Variants in MYRIP observed in about 807,000 individuals in gnomAD.
MYRIP encodes myosin VIIA and Rab interacting protein.
MYRIP carries 49 observed loss-of-function variants against 98.0 expected under a neutral mutation model. The observed-to-expected ratio is 0.50, with a 90% confidence interval of 0.40 to 0.63. The LOEUF is 0.63. MYRIP is among the 30% of genes least tolerant of loss of function. The pLI is 0.00. For missense variants in MYRIP, 1,004 were observed against 1,058.2 expected (o/e 0.95, Z 0.71); for synonymous variants, 404 against 409.5 (o/e 0.99, Z 0.16).
chr3:40,197,146 C>T (rs1951413435), intron 10 of MYRIP, among the ~76,000 whole-genome samples: 1 of 152,146 alleles, frequency 6.6e-6, no homozygotes, highest in Non-Finnish European at 1.5e-5. Context: ...CGGGATGAAA[C>T]TGTTCCACCT....
chr3:40,027,332 A>T (rs546688655), intron 2 of MYRIP, among the ~76,000 whole-genome samples: 2 of 152,146 alleles, frequency 1.3e-5, no homozygotes, highest in African/African-American at 4.8e-5. Flanking sequence ...TGCTTCACAC[A>T]TGCAAGGTCC....
intron 1 of MYRIP, among the ~76,000 whole-genome samples, chr3:39,857,214 G>A (rs1942326053): frequency 7.3e-6 from 1 of 136,770 alleles, no homozygotes; most frequent in Non-Finnish European, 1.6e-5. Context: ...CCCTGTCTCA[G>A]AAACAAAAGA....
At chr3:39,933,383 A>G (rs2125702032) in intron 2 of MYRIP, among the ~76,000 whole-genome samples, 1 of 152,376 alleles carries the variant, frequency 6.6e-6, no homozygotes, top group East Asian at 1.9e-4. Context: ...AACATCTGTT[A>G]GAATCACAAA....
intron 3 of MYRIP, among the ~76,000 whole-genome samples, chr3:40,066,962 T>C (rs974653699): frequency 6.6e-6 from 1 of 152,204 alleles, no homozygotes; most frequent in African/African-American, 2.4e-5. Flanking sequence ...GCAACTTTTA[T>C]GTCCTTTTTG....
chr3:40,098,170 A>C (rs960908775), intron 3 of MYRIP, among the ~76,000 whole-genome samples: 2 of 152,200 alleles, frequency 1.3e-5, no homozygotes, highest in Non-Finnish European at 2.9e-5. Flanking sequence ...AGCCTTTTTG[A>C]TATGTATATT....
In MYRIP at chr3:40,087,132, G is replaced by A. The variant is rs573438785; in HGVS notation, c.332+42861G>A. Among the ~76,000 whole-genome samples, 4 of 152,108 alleles carry A rather than the reference G, an allele frequency of 2.6e-5. No individual in the cohort carries two copies. In the South Asian group the frequency reaches 8.3e-4, roughly 32 times the overall value. ...TACCCTTGGAGAGAGGTCCCAAGAAGAAGTGAGGCAAGCAACCCAGTGTGG... is the reference window on the plus strand; with the variant it reads ...TACCCTTGGAGAGAGGTCCCAAGAAAAAGTGAGGCAAGCAACCCAGTGTGG... On this transcript the variant is annotated intron_variant, in intron 3 of 16. Transcript: ENST00000302541.
At chr3:40,019,943 G>C (rs564021011) in intron 2 of MYRIP, among the ~76,000 whole-genome samples, 2 of 152,088 alleles carry the variant, frequency 1.3e-5, no homozygotes, top group African/African-American at 4.8e-5. Context: ...CATCTTTTAG[G>C]ATTATTTTAA....
At chr3:39,934,073 C>T (rs904451048) in intron 2 of MYRIP, among the ~76,000 whole-genome samples, 4 of 152,180 alleles carry the variant, frequency 2.6e-5, no homozygotes, top group African/African-American at 9.7e-5. Context: ...GTGAGGCCTG[C>T]ATAAATGTCT....
chr3:40,076,347 C>G (rs1948342825), intron 3 of MYRIP, among the ~76,000 whole-genome samples: 1 of 152,238 alleles, frequency 6.6e-6, no homozygotes, highest in South Asian at 2.1e-4. Flanking sequence ...CAAGGCCCCA[C>G]AGCTCTGCCA....
At chr3:40,085,474 G>A (rs531221016) in intron 3 of MYRIP, among the ~76,000 whole-genome samples, 7 of 152,124 alleles carry the variant, frequency 4.6e-5, no homozygotes, top group South Asian at 2.1e-4. Flanking sequence ...TAGTAGAGAC[G>A]GGGTTTCATC....
At chr3:40,182,573 C>T (rs754760190) in intron 9 of MYRIP, among the ~76,000 whole-genome samples, 200 bp downstream of exon 9, 2 of 152,196 alleles carry the variant, frequency 1.3e-5, no homozygotes, top group Admixed American at 6.5e-5. Context: ...AGGCAGTTTT[C>T]CTAGCTGCTC....
chr3:39,984,612 A>G (rs535893391), intron 2 of MYRIP, among the ~76,000 whole-genome samples: 11 of 152,238 alleles, frequency 7.2e-5, no homozygotes, highest in Non-Finnish European at 1.3e-4. Flanking sequence ...ACATTTTCTT[A>G]ATCCAGTCTA....
At chr3:39,905,603 G>T (rs1024093300) in intron 2 of MYRIP, among the ~76,000 whole-genome samples, 5 of 152,152 alleles carry the variant, frequency 3.3e-5, no homozygotes, top group African/African-American at 1.2e-4. Flanking sequence ...ACCTCCTTCT[G>T]CCCTGTGTCC....
intron 3 of MYRIP, among the ~76,000 whole-genome samples, chr3:40,144,342 C>T (rs149832583): frequency 6.6e-6 from 1 of 152,336 alleles, no homozygotes; most frequent in East Asian, 1.9e-4. Context: ...CAGCTCAACC[C>T]CAATGGCAGG....
chr3:40,229,464 C>T (rs559742710), intron 11 of MYRIP, among the ~76,000 whole-genome samples: 2 of 152,262 alleles, frequency 1.3e-5, no homozygotes, highest in Admixed American at 6.5e-5. Flanking sequence ...GCAACCTTGG[C>T]ACGGTAAATG....
At chr3:40,078,224 C>T (rs935242042) in intron 3 of MYRIP, among the ~76,000 whole-genome samples, 9 of 152,216 alleles carry the variant, frequency 5.9e-5, no homozygotes, top group African/African-American at 1.9e-4. Flanking sequence ...GCTCCGAGTG[C>T]GGCCCGCCAA....
chr3:40,184,404 T>G (rs969171034), intron 9 of MYRIP, among the ~76,000 whole-genome samples: 1 of 152,234 alleles, frequency 6.6e-6, no homozygotes, highest in Non-Finnish European at 1.5e-5. Flanking sequence ...ATTTTATTTT[T>G]TCCTCCAACA....
In MYRIP at chr3:39,872,508, C is replaced by T. The variant is rs992256985; in HGVS notation, c.-30-28279C>T. Among the ~76,000 whole-genome samples the T allele has an allele frequency of 2.1e-5, 3 of 141,058 alleles. No homozygotes were observed. In the Admixed American group the frequency reaches 2.2e-4, roughly 10 times the overall value. 92.5% of individuals were successfully genotyped at this position (141,058 alleles called of 152,430 possible). A position where few individuals can be genotyped will look rare whatever the true frequency, so the allele number is the denominator to read the frequency against. On this transcript the variant is annotated intron_variant, in intron 1 of 16. Coordinates refer to ENST00000302541, the MANE Select transcript of MYRIP (RefSeq NM_015460.4). ...CCCCCTCCCCCCATCCCACAACAGT[C>T]CCCAGAGTGTGATGTTCCCCTTCCT...
rs530664721 is a variant in MYRIP, at chr3:39,899,859, C to T, written c.-30-928C>T. ...TTTTTGAGATGGAGTCTCGCTTTGTCACCCAGGCTGGAGTGCACTGGCGCG... is the reference window on the plus strand; with the variant it reads ...TTTTTGAGATGGAGTCTCGCTTTGTTACCCAGGCTGGAGTGCACTGGCGCG... On this transcript the variant is annotated intron_variant, in intron 1 of 16. Transcript: ENST00000302541. Among the ~76,000 whole-genome samples the T allele has an allele frequency of 3.9e-5, 6 of 152,296 alleles. No individual in the cohort carries two copies. The East Asian group carries it at 1.2e-3, about 29-fold the overall frequency.
Sources: allele counts gnomAD v4.1 joint callset (sites outside exome capture counted in the v4.1 genomes callset), GRCh38; gene constraint gnomAD v4.1.1; transcripts MANE v1.5; gene names NCBI Gene and HGNC (gene_info 2026-07-23, HGNC 2026-07-21).